MOCOS: variants seen among roughly 807,000 people sequenced by gnomAD.
MOCOS encodes molybdenum cofactor sulfurase, also known as human molybdenum cofactor sulfurase.
Under a neutral mutation model 83.6 loss-of-function variants are expected in MOCOS, and 86 were observed. The ratio of observed to expected loss-of-function variants is 1.03; its 90% CI spans 0.86 to 1.23. The LOEUF (loss-of-function observed/expected upper bound fraction) is 1.23, where lower values mean the gene tolerates loss of function less well. Among genes scored for constraint, MOCOS ranks in the 50% most tolerant of loss-of-function variants. The pLI, the probability that MOCOS is intolerant of heterozygous loss-of-function variation, is 0.00. For missense variants in MOCOS, 1,120 were observed against 1,126.9 expected, an observed-to-expected ratio of 0.99 and a Z score of 0.09; for synonymous variants, 445 against 434.7, an observed-to-expected ratio of 1.02 and a Z score of -0.29.
chr18:36,213,270 A>C (rs900530944), intron 6 of MOCOS, 96 bp from the exon 7 acceptor site: 1 of 917,906 alleles, frequency 1.1e-6, no homozygotes, highest in Non-Finnish European at 1.8e-6. Flanking sequence ...TCATCATTTT[A>C]TTATTAGGAA....
intron 11 of MOCOS, among the ~76,000 whole-genome samples, chr18:36,254,954 G>T (rs990085981): frequency 6.6e-6 from 1 of 152,058 alleles, no homozygotes; most frequent in Non-Finnish European, 1.5e-5. Context: ...TCCAACTTTT[G>T]AGTTCAAGCA....
At position 36,200,158 on chromosome 18, in the gene MOCOS, C is replaced by T. The variant is rs2091406905; in HGVS notation, c.775C>T (p.Pro259Ser). ...GTCAGCTCACCAGGCCGACTTTGTC[C>T]CCATCTCCTTCTATAAGATCTTCGG... The part of the protein sequence containing the change: ...DLSAHQADFV[P>S]ISFYKIFGFP... Residue 259 changes from proline to serine, a missense_variant, in exon 4 of 15, where the codon CCC becomes TCC. Pro to Ser is a moderately conservative substitution (Grantham distance 74). Transcript: ENST00000261326. The T allele has an allele frequency of 1.2e-6, 2 of 1,614,102 alleles. No homozygotes were observed. The highest frequency in any genetic ancestry group is 1.1e-5 in the South Asian group (1 of 91,090).
chr18:36,205,023 A>G (rs2091429375), intron 5 of MOCOS, 54 bp from the exon 6 acceptor site: 3 of 996,798 alleles, frequency 3.0e-6, no homozygotes, highest in Non-Finnish European at 4.6e-6. Context: ...AAAAGAGTGA[A>G]TTGAGAATTT....
At chr18:36,242,722 C>T (rs1014209593) in intron 9 of MOCOS, among the ~76,000 whole-genome samples, 2 of 152,134 alleles carry the variant, frequency 1.3e-5, no homozygotes, top group Non-Finnish European at 2.9e-5. Flanking sequence ...CACATGGTGG[C>T]AGGAGAGAGA....
In MOCOS at chr18:36,187,502, T is replaced by G. The variant is rs2091344986; in HGVS notation, c.-38T>G. 8.2e-7 allele frequency: 1 copy of G among 1,226,988 alleles called. No individual in the cohort carries two copies. The highest frequency in any genetic ancestry group is 3.2e-5 in the East Asian group (1 of 31,338). 76.0% of individuals were successfully genotyped at this position (1,226,988 alleles called of 1,614,324 possible). On this transcript the variant is annotated 5_prime_UTR_variant, in exon 1 of 15. Coordinates refer to ENST00000261326, the MANE Select transcript of MOCOS (RefSeq NM_017947.4). ...TCGCCGGGGGCCGGCTTCGCGCACT[T>G]CCCGGGCCCGGCCGGCCTGGATGGA...
intron 2 of MOCOS, among the ~76,000 whole-genome samples, chr18:36,198,061 G>A (rs58700489): frequency 0.086 from 13,143 of 152,062 alleles, 749 homozygotes; most frequent in East Asian, 0.15. Context: ...TTCTTTCATG[G>A]CATAGCCAGT....
rs28640124 is a variant in MOCOS at position 36,248,881 on chromosome 18, T to C, written c.1961-41T>C. 2.5e-4 allele frequency: 388 copies of C among 1,544,714 alleles called. 3 individuals are homozygous for C. The African/African-American group carries it at 4.4e-3, about 18-fold the overall frequency. On this transcript the variant is annotated intron_variant, in intron 9 of 14. Transcript: ENST00000261326. ...ATTTTGAAGTCAAGTAGCTGTTGTT[T>C]TTACATAATGATAAATTTGTTTTTA...
intron 1 of MOCOS, chr18:36,189,810 C>G (rs1568046190): frequency 6.6e-6 from 1 of 152,212 alleles, no homozygotes. Context: ...GGTAATTCAC[C>G]TGTTTCTAAT....
rs2091430679 is a variant in MOCOS, at chr18:36,205,254, G to A, written c.1196G>A (p.Gly399Glu). 2 of 1,613,680 alleles carry A rather than the reference G, an allele frequency of 1.2e-6. No individual in the cohort carries two copies. Among genetic ancestry groups the A allele is most frequent in the African/African-American group, 1.3e-5 (1 of 74,866 alleles). ...IINFNVLDDKGNIIGYSQVDK... is the reference protein window; with the variant it reads ...IINFNVLDDKENIIGYSQVDK... ...AATTTTAATGTGCTGGATGACAAAG[G>A]GAACATCATTGGTTACTCCCAGGTG... The change falls in exon 6 of 15, where the codon GGG (glycine) becomes GAG (glutamate). Residue 399 changes from glycine to glutamate, a missense_variant. Transcript: ENST00000261326.
At chr18:36,195,231 A>C in intron 1 of MOCOS, 26 bp from the exon 2 acceptor site, 6 of 1,600,268 alleles carry the variant, frequency 3.7e-6, no homozygotes, top group South Asian at 1.1e-5. Flanking sequence ...GTAAAATTTT[A>C]GTATTTATTT....
At chr18:36,196,976 G>A (rs2091390755) in intron 2 of MOCOS, among the ~76,000 whole-genome samples, 1 of 152,120 alleles carries the variant, frequency 6.6e-6, no homozygotes, top group South Asian at 2.1e-4. Context: ...GGTCTTATAG[G>A]TCAGGCCCTA....
chr18:36,243,424 G>A (rs890474907), intron 9 of MOCOS, among the ~76,000 whole-genome samples: 2 of 152,112 alleles, frequency 1.3e-5, no homozygotes. Flanking sequence ...TTATTGACTT[G>A]TGTAAGTTAA....
chr18:36,264,002 C>G (rs1169202019), intron 13 of MOCOS, among the ~76,000 whole-genome samples: 1 of 152,004 alleles, frequency 6.6e-6, no homozygotes, highest in African/African-American at 2.4e-5. Context: ...CATGCAGAAC[C>G]CGTCTCTACT....
chr18:36,234,807 T>G (rs1484666438), intron 9 of MOCOS, among the ~76,000 whole-genome samples: 3 of 152,180 alleles, frequency 2.0e-5, no homozygotes, highest in Non-Finnish European at 4.4e-5. Flanking sequence ...CTTACAATTA[T>G]GGTGGAAGGC....
At chr18:36,247,575 G>A (rs1215898766) in intron 9 of MOCOS, among the ~76,000 whole-genome samples, 9 of 152,114 alleles carry the variant, frequency 5.9e-5, no homozygotes, top group Admixed American at 5.9e-4. Flanking sequence ...TCCCTACAGG[G>A]CTCTTCCTGC....
chr18:36,267,248 T>C (rs937901487), intron 14 of MOCOS, among the ~76,000 whole-genome samples: 43 of 152,346 alleles, frequency 2.8e-4, no homozygotes, highest in African/African-American at 1.0e-3. Flanking sequence ...ATACATTCAT[T>C]AAGCCTGGAA....
chr18:36,235,184 A>G (rs940344290), intron 9 of MOCOS, among the ~76,000 whole-genome samples: 1 of 150,484 alleles, frequency 6.6e-6, no homozygotes, highest in African/African-American at 2.5e-5. Flanking sequence ...CACATTGTGC[A>G]GGTTAGTTAC....
At chr18:36,238,914 T>C (rs1340969194) in intron 9 of MOCOS, among the ~76,000 whole-genome samples, 5 of 148,672 alleles carry the variant, frequency 3.4e-5, no homozygotes, top group East Asian at 3.9e-4. Context: ...CTTTTGATCT[T>C]TGTTGGTTTA....
intron 6 of MOCOS, among the ~76,000 whole-genome samples, chr18:36,212,881 G>A (rs1439684863): frequency 6.6e-6 from 1 of 152,194 alleles, no homozygotes; most frequent in African/African-American, 2.4e-5. Flanking sequence ...TTGGGGAATG[G>A]AGTACTTGAT....
Sources: allele counts gnomAD v4.1 joint callset (sites outside exome capture counted in the v4.1 genomes callset), GRCh38; gene constraint gnomAD v4.1.1; transcripts MANE v1.5; gene names NCBI Gene and HGNC (gene_info 2026-07-23, HGNC 2026-07-21).